Variants in DYM observed in about 807,000 individuals in gnomAD.
The protein encoded by DYM is dymeclin.
In DYM, 78 loss-of-function variants were observed where a neutral mutation model predicts 93.1. That is an observed-to-expected ratio of 0.84 (90% confidence interval 0.70 to 1.01). DYM has a LOEUF of 1.01. DYM is among the 50% of genes least tolerant of loss of function. The pLI is 0.00. For missense variants in DYM, 789 were observed against 845.0 expected, an observed-to-expected ratio of 0.93 and a Z score of 0.82; for synonymous variants, 321 against 319.7, an observed-to-expected ratio of 1.00 and a Z score of -0.04.
intron 2 of DYM, among the ~76,000 whole-genome samples, chr18:49,398,371 C>T (rs945085522): frequency 3.3e-5 from 5 of 152,102 alleles, no homozygotes; most frequent in African/African-American, 7.2e-5. Flanking sequence ...AGCATGTCTC[C>T]GCTCCTGGCC....
At chr18:49,258,885 G>T (rs1164511856) in intron 11 of DYM, among the ~76,000 whole-genome samples, 3 of 108,250 alleles carry the variant, frequency 2.8e-5, no homozygotes, top group Non-Finnish European at 3.9e-5. Context: ...GAGAGAGAGA[G>T]ATAGGCAGGC....
intron 1 of DYM, among the ~76,000 whole-genome samples, 157 bp from the exon 2 acceptor site, chr18:49,430,604 A>G (rs1342872395): frequency 6.6e-6 from 1 of 152,194 alleles, no homozygotes; most frequent in East Asian, 1.9e-4. Flanking sequence ...ATATGGGGCT[A>G]GGCCAGGCAT....
rs377321305 is a variant in DYM at position 49,333,172 on chromosome 18, T to C, written c.620+556A>G. On this transcript the variant is annotated intron_variant, in intron 7 of 17. Coordinates refer to ENST00000675505, the MANE Select transcript of DYM (RefSeq NM_001353214.3). ...GTTAATAAAAGGTCAGGTATGTGCA[T>C]ATGTGTTGGTCATTTGCATCCACAC... Among the ~76,000 whole-genome samples the C allele has an allele frequency of 1.4e-4, 21 of 152,356 alleles. No homozygotes were observed. In the South Asian group the frequency reaches 4.1e-3, roughly 30 times the overall value.
intron 15 of DYM, among the ~76,000 whole-genome samples, chr18:49,158,975 G>A (rs1024779377): frequency 1.3e-5 from 2 of 152,062 alleles, no homozygotes; most frequent in Non-Finnish European, 2.9e-5. Context: ...CTCATTGTAC[G>A]TGGGTATTAA....
intron 1 of DYM, among the ~76,000 whole-genome samples, chr18:49,453,326 T>A (rs1600392317): frequency 6.6e-6 from 1 of 152,146 alleles, no homozygotes. Context: ...CAACCAGCAG[T>A]GGCAACCGGC....
rs368915691 is a variant in DYM at position 49,238,701 on chromosome 18, T to G, written c.1460+18309A>C. Among the ~76,000 whole-genome samples, 64 of 151,258 alleles carry G rather than the reference T, an allele frequency of 4.2e-4. 2 individuals are homozygous for G. The South Asian group carries it at 0.012, about 29-fold the overall frequency. ...ATCTCCCTATCAAATTTCCTCCAGCTGAATCGCTTGAACCCAGGAGGCAGA... is the reference window on the plus strand; with the variant it reads ...ATCTCCCTATCAAATTTCCTCCAGCGGAATCGCTTGAACCCAGGAGGCAGA... On this transcript the variant is annotated intron_variant, in intron 13 of 17. Transcript: ENST00000675505.
intron 14 of DYM, among the ~76,000 whole-genome samples, chr18:49,188,693 G>T (rs1282012586): frequency 6.6e-6 from 1 of 151,976 alleles, no homozygotes; most frequent in African/African-American, 2.4e-5. Flanking sequence ...CTGTTGTGGC[G>T]TGGGGGGAAG....
intron 2 of DYM, among the ~76,000 whole-genome samples, chr18:49,411,413 T>G (rs2072229529): frequency 6.6e-6 from 1 of 152,194 alleles, no homozygotes; most frequent in Non-Finnish European, 1.5e-5. Flanking sequence ...GATAGACGAC[T>G]TTCTTGTAAC....
chr18:49,088,059 G>C (rs373444192), intron 17 of DYM, among the ~76,000 whole-genome samples: 1 of 151,900 alleles, frequency 6.6e-6, no homozygotes, highest in Non-Finnish European at 1.5e-5. Flanking sequence ...CTCCCATTCT[G>C]TAGGTTGCCT....
rs1555800157 is a variant in DYM at position 49,206,011 on chromosome 18, G to GTTTTTGTT, written c.1625+3539_1625+3540insAACAAAAA. ...GGTAGAGTTTTTTTTTTGTTTTTTT[G>GTTTTTGTT]TTTTTTGCGGAGTCTTGCTCTGTGT... is the stretch of plus-strand genomic sequence containing the variant. On this transcript the variant is annotated intron_variant, in intron 14 of 17. Coordinates refer to ENST00000675505, the MANE Select transcript of DYM (RefSeq NM_001353214.3). 2.2e-5 allele frequency: 3 copies of GTTTTTGTT among 135,040 alleles called. 1 individual carries two copies. The highest frequency in any genetic ancestry group is 4.6e-5 in the Non-Finnish European group (3 of 64,980). The allele number at this position is 135,040 out of a possible 1,614,324, so 8.4% of individuals were successfully genotyped here.
chr18:49,194,099 G>A (rs1422279325), intron 14 of DYM, among the ~76,000 whole-genome samples: 1 of 152,028 alleles, frequency 6.6e-6, no homozygotes, highest in Non-Finnish European at 1.5e-5. Flanking sequence ...AACCCTGTAT[G>A]TTTAAGTCTG....
intron 13 of DYM, among the ~76,000 whole-genome samples, chr18:49,242,228 A>G (rs2094030085): frequency 6.6e-6 from 1 of 152,190 alleles, no homozygotes; most frequent in African/African-American, 2.4e-5. Flanking sequence ...CCTGGCCAAC[A>G]TGGCGAAACC....
At chr18:49,233,654 T>C (rs1252036340) in intron 13 of DYM, among the ~76,000 whole-genome samples, 2 of 152,178 alleles carry the variant, frequency 1.3e-5, no homozygotes, top group Non-Finnish European at 2.9e-5. Context: ...CTGTTGACTG[T>C]TCCCCAATGA....
intron 14 of DYM, among the ~76,000 whole-genome samples, chr18:49,183,755 C>T (rs970852516): frequency 6.6e-5 from 10 of 152,036 alleles, no homozygotes; most frequent in Non-Finnish European, 1.5e-4. Flanking sequence ...GTATGTGTCT[C>T]CCCCAAATTT....
intron 8 of DYM, among the ~76,000 whole-genome samples, chr18:49,294,563 A>G (rs1418317328): frequency 6.6e-6 from 1 of 152,166 alleles, no homozygotes; most frequent in African/African-American, 2.4e-5. Flanking sequence ...AACATTCAAA[A>G]TGTGAAGAGG....
At chr18:49,423,120 C>T (rs1329829504) in intron 2 of DYM, among the ~76,000 whole-genome samples, 2 of 152,176 alleles carry the variant, frequency 1.3e-5, no homozygotes, top group Non-Finnish European at 2.9e-5. Context: ...AGCACTTATT[C>T]CAAAATTGAT....
intron 16 of DYM, among the ~76,000 whole-genome samples, chr18:49,107,795 G>A (rs2080997005): frequency 6.6e-6 from 1 of 152,314 alleles, no homozygotes; most frequent in Middle Eastern, 3.4e-3. Context: ...ACCCGGCCGT[G>A]TGAAGTGTCA....
At chr18:49,425,164 C>G (rs1316892718) in intron 2 of DYM, among the ~76,000 whole-genome samples, 2 of 152,104 alleles carry the variant, frequency 1.3e-5, no homozygotes, top group Non-Finnish European at 2.9e-5. Context: ...CTACAGTAAC[C>G]AAAACAGCAT....
At chr18:49,080,495 G>C (rs1209566088) in intron 17 of DYM, among the ~76,000 whole-genome samples, 1 of 144,790 alleles carries the variant, frequency 6.9e-6, no homozygotes, top group Non-Finnish European at 1.5e-5. Flanking sequence ...CGGACGGGGC[G>C]GCTGGCCGGG....
Sources: gnomAD v4.1 joint callset for allele counts (sites outside exome capture counted in the v4.1 genomes callset) on GRCh38, gnomAD v4.1.1 for gene constraint, MANE v1.5 for transcripts, NCBI Gene and HGNC (gene_info 2026-07-23, HGNC 2026-07-21) for gene names.